ENOX2: variants seen among roughly 807,000 people sequenced by gnomAD.
ENOX2 encodes the protein ecto-NOX disulfide-thiol exchanger 2.
Under a neutral mutation model 45.0 loss-of-function variants are expected in ENOX2, and 36 were observed. The ratio of observed to expected loss-of-function variants is 0.80; its 90% CI spans 0.61 to 1.06. The LOEUF is 1.06. ENOX2 is among the 50% of genes least tolerant of loss of function. The pLI, the probability that ENOX2 is intolerant of heterozygous loss-of-function variation, is 0.00. For synonymous variants in ENOX2, 174 were observed against 152.3 expected (o/e 1.14, Z -1.05); for missense variants, 423 against 462.5 (o/e 0.91, Z 0.78).
At chrX:130,825,942 ATTG>A (rs1301302490) in intron 2 of ENOX2, among the ~76,000 whole-genome samples, 1 of 110,989 alleles carries the variant, frequency 9.0e-6, no homozygotes, top group African/African-American at 3.3e-5. Context: ...ATTATTGGTT[ATTG>A]TTGTTAATCT....
At chrX:130,661,313 C>T (rs2036682272) in intron 9 of ENOX2, among the ~76,000 whole-genome samples, 1 of 109,719 alleles carries the variant, frequency 9.1e-6, no homozygotes, top group Non-Finnish European at 1.9e-5. Context: ...CTCAGCCTCC[C>T]AAGTAGCTGG....
intron 2 of ENOX2, among the ~76,000 whole-genome samples, chrX:130,813,564 T>C (rs1013320080): frequency 9.0e-6 from 1 of 111,554 alleles, no homozygotes; most frequent in Non-Finnish European, 1.9e-5. Context: ...CTCATCTCAC[T>C]GGGACTGGTT....
intron 4 of ENOX2, among the ~76,000 whole-genome samples, chrX:130,695,694 T>C (rs1027288103): frequency 3.0e-4 from 34 of 112,315 alleles, no homozygotes; most frequent in African/African-American, 1.1e-3. Context: ...TTGAGCTACA[T>C]ATTTCTGAGA....
intron 2 of ENOX2, among the ~76,000 whole-genome samples, chrX:130,848,267 T>C (rs1423149997): frequency 4.7e-5 from 5 of 106,083 alleles, no homozygotes; most frequent in African/African-American, 1.7e-4. Context: ...CAGTACATAA[T>C]GCCAAAATCT....
chrX:130,823,817 G>A (rs912523474), intron 2 of ENOX2, among the ~76,000 whole-genome samples: 2 of 110,733 alleles, frequency 1.8e-5, no homozygotes, highest in African/African-American at 6.6e-5. Flanking sequence ...GAGCATCTAT[G>A]GGAATTATCT....
At position 130,656,574 on chromosome X, in the gene ENOX2, TC is replaced by T; in HGVS notation, c.1129+6del. ...TTATTAAATAAAGAAAACAGAATTA[TC>T]TTTACCTGATTCCTCAGTTTCTTTT... On this transcript the variant is annotated splice_donor_region_variant and intron_variant, in intron 10 of 14. Transcript: ENST00000394363. 1 of 1,026,769 alleles carries T rather than the reference TC, an allele frequency of 9.7e-7. No homozygotes were observed. Among genetic ancestry groups the T allele is most frequent in the Non-Finnish European group, 1.4e-6 (1 of 731,716 alleles). 84.6% of individuals were successfully genotyped at this position (1,026,769 alleles called of 1,213,427 possible). A position where few individuals can be genotyped will look rare whatever the true frequency, so the allele number is the denominator to read the frequency against.
chrX:130,669,682 G>A (rs1394617445), intron 7 of ENOX2, among the ~76,000 whole-genome samples: 4 of 112,075 alleles, frequency 3.6e-5, no homozygotes, highest in South Asian at 7.5e-4. Flanking sequence ...AGTCTCTGAC[G>A]TGGAAAGTGA....
chrX:130,700,035 C>T (rs778686198), intron 4 of ENOX2, among the ~76,000 whole-genome samples: 2 of 111,815 alleles, frequency 1.8e-5, no homozygotes, highest in African/African-American at 3.2e-5. Context: ...ACATAGGTGC[C>T]GTTATTATCT....
chrX:130,841,097 G>A (rs371289711), intron 2 of ENOX2, among the ~76,000 whole-genome samples: 1 of 111,553 alleles, frequency 9.0e-6, no homozygotes, highest in African/African-American at 3.3e-5. Context: ...AGGAGAACAC[G>A]GTCCTTTTCC....
At chrX:130,713,481 T>C (rs1297303209) in intron 3 of ENOX2, among the ~76,000 whole-genome samples, 1 of 111,719 alleles carries the variant, frequency 9.0e-6, no homozygotes, top group East Asian at 2.8e-4. Flanking sequence ...GTGGGAACCT[T>C]AGAGGGCTGC....
intron 3 of ENOX2, among the ~76,000 whole-genome samples, chrX:130,769,745 C>A (rs1054462409): frequency 1.4e-4 from 16 of 111,794 alleles, no homozygotes; most frequent in Non-Finnish European, 3.0e-4. Context: ...TACATGTTTG[C>A]CGAGTAAACA....
At position 130,841,562 on chromosome X, in the gene ENOX2, C is replaced by A. The variant is rs986833753; in HGVS notation, c.-182-57872G>T. ...GCCTATGTTATTACTTTGCTTTCCCCAGGTGGGATCCTTGTTGCTGTCCCT... is the reference window on the plus strand; with the variant it reads ...GCCTATGTTATTACTTTGCTTTCCCAAGGTGGGATCCTTGTTGCTGTCCCT... On this transcript the variant is annotated intron_variant, in intron 2 of 14. Transcript: ENST00000394363. 3.6e-5 allele frequency among the ~76,000 whole-genome samples: 4 copies of A among 111,973 alleles called. No individual in the cohort carries two copies. In the Admixed American group the frequency reaches 3.8e-4, roughly 11 times the overall value.
At chrX:130,735,831 T>A (rs768746876) in intron 3 of ENOX2, among the ~76,000 whole-genome samples, 72 of 111,448 alleles carry the variant, frequency 6.5e-4, no homozygotes, top group Non-Finnish European at 1.2e-3. Flanking sequence ...CATTGAAAGA[T>A]GCCAAGATAC....
intron 4 of ENOX2, among the ~76,000 whole-genome samples, chrX:130,692,667 G>A (rs2037641144): frequency 1.9e-5 from 2 of 104,543 alleles, no homozygotes; most frequent in African/African-American, 7.0e-5. Context: ...TGCAACCTCC[G>A]CCTCCCGGGT....
At chrX:130,878,342 A>G (rs955713647) in intron 2 of ENOX2, among the ~76,000 whole-genome samples, 1 of 111,267 alleles carries the variant, frequency 9.0e-6, no homozygotes, top group East Asian at 2.8e-4. Context: ...TTCTCAGACC[A>G]TTTCTTTCCC....
intron 2 of ENOX2, among the ~76,000 whole-genome samples, chrX:130,796,465 C>T (rs936011083): frequency 2.7e-5 from 3 of 112,141 alleles, no homozygotes; most frequent in African/African-American, 9.7e-5. Context: ...AAATGGCTTA[C>T]ACTTGACCTT....
intron 3 of ENOX2, among the ~76,000 whole-genome samples, chrX:130,748,684 G>GA (rs1231556554): frequency 8.9e-6 from 1 of 111,745 alleles, no homozygotes; most frequent in Non-Finnish European, 1.9e-5. Flanking sequence ...AAAGAGTGAG[G>GA]AAAAAAGCTA....
chrX:130,674,274 G>A (rs1603302624), intron 6 of ENOX2, among the ~76,000 whole-genome samples: 1 of 109,105 alleles, frequency 9.2e-6, no homozygotes, highest in Admixed American at 9.8e-5. Context: ...ACTTGCACAG[G>A]TGCCCCCGCA....
chrX:130,841,177 G>T (rs912664115), intron 2 of ENOX2, among the ~76,000 whole-genome samples: 15 of 111,825 alleles, frequency 1.3e-4, no homozygotes, highest in African/African-American at 4.2e-4. Flanking sequence ...CATTTGCAGG[G>T]TGGGAGTTAC....
Sources: allele counts gnomAD v4.1 joint callset (sites outside exome capture counted in the v4.1 genomes callset), GRCh38; gene constraint gnomAD v4.1.1; transcripts MANE v1.5; gene names NCBI Gene and HGNC (gene_info 2026-07-23, HGNC 2026-07-21).